Variants in DTNA observed in about 807,000 individuals in gnomAD.
The protein encoded by DTNA is dystrophin-related protein 3.
DTNA carries 43 observed loss-of-function variants against 100.7 expected under a neutral mutation model. The ratio of observed to expected loss-of-function variants is 0.43; its 90% CI spans 0.33 to 0.55. The LOEUF is 0.55. Ranked by LOEUF, DTNA falls within the 20% of genes least tolerant of loss-of-function variation. The probability of loss-of-function intolerance (pLI) is 0.04; values close to 1 mark genes in which losing one functional copy is unlikely to be tolerated. For synonymous variants in DTNA, 349 were observed against 347.9 expected (o/e 1.00, Z -0.04); for missense variants, 798 against 953.9 (o/e 0.84, Z 2.15).
intron 1 of DTNA, among the ~76,000 whole-genome samples, chr18:34,692,861 C>G (rs1396667187): frequency 6.6e-6 from 1 of 152,114 alleles, no homozygotes; most frequent in East Asian, 1.9e-4. Flanking sequence ...GTTTCTGTCT[C>G]TCTTTCTTTT....
intron 1 of DTNA, among the ~76,000 whole-genome samples, chr18:34,610,194 A>G (rs1488432514): frequency 7.2e-5 from 11 of 152,210 alleles, no homozygotes; most frequent in Admixed American, 5.2e-4. Flanking sequence ...CTATTCTTAC[A>G]ACCAAGGCCA....
intron 6 of DTNA, among the ~76,000 whole-genome samples, chr18:34,812,386 CT>C (rs1311595313): frequency 1.3e-5 from 2 of 152,278 alleles, no homozygotes; most frequent in Admixed American, 1.3e-4. Flanking sequence ...AACAACCCTT[CT>C]GTGTTAGTCT....
chr18:34,641,713 G>C (rs1466143974), intron 1 of DTNA, among the ~76,000 whole-genome samples: 2 of 152,108 alleles, frequency 1.3e-5, no homozygotes, highest in African/African-American at 4.8e-5. Context: ...TGTGTTTCAG[G>C]CATAAACAGA....
chr18:34,717,258 A>G (rs2084252341), intron 1 of DTNA, among the ~76,000 whole-genome samples: 1 of 152,236 alleles, frequency 6.6e-6, no homozygotes, highest in Non-Finnish European at 1.5e-5. Flanking sequence ...AATGCTAAGT[A>G]ATTGAAATAG....
intron 2 of DTNA, among the ~76,000 whole-genome samples, chr18:34,760,454 A>G (rs1260662904): frequency 6.6e-6 from 1 of 152,100 alleles, no homozygotes; most frequent in Non-Finnish European, 1.5e-5. Flanking sequence ...GAGTCCCCCA[A>G]AACAACTCTC....
At chr18:34,576,386 T>C (rs1189009607) in intron 1 of DTNA, among the ~76,000 whole-genome samples, 1 of 152,230 alleles carries the variant, frequency 6.6e-6, no homozygotes, top group Non-Finnish European at 1.5e-5. Context: ...TGAACACATT[T>C]TTCCTCATCT....
At chr18:34,579,012 T>TG (rs1236177010) in intron 1 of DTNA, among the ~76,000 whole-genome samples, 5 of 152,176 alleles carry the variant, frequency 3.3e-5, no homozygotes, top group African/African-American at 1.2e-4. Context: ...ATTTTATTAT[T>TG]TCTTTTTATC....
chr18:34,869,848 T>C (rs1204092563), intron 17 of DTNA, among the ~76,000 whole-genome samples: 5 of 152,064 alleles, frequency 3.3e-5, no homozygotes, highest in African/African-American at 9.7e-5. Context: ...GGTGAAACCC[T>C]GTCTCTACTA....
At chr18:34,591,224 A>T (rs1261756079) in intron 1 of DTNA, among the ~76,000 whole-genome samples, 1 of 152,128 alleles carries the variant, frequency 6.6e-6, no homozygotes, top group East Asian at 1.9e-4. Context: ...CATACATAAG[A>T]TGTATAATGA....
intron 1 of DTNA, among the ~76,000 whole-genome samples, chr18:34,669,250 C>G (rs569051520): frequency 6.6e-6 from 1 of 151,990 alleles, no homozygotes; most frequent in Non-Finnish European, 1.5e-5. Flanking sequence ...GATTGCAACC[C>G]CTGCCTTTTT....
chr18:34,777,140 A>G (rs1191105173), intron 3 of DTNA, among the ~76,000 whole-genome samples: 1 of 152,276 alleles, frequency 6.6e-6, no homozygotes, highest in South Asian at 2.1e-4. Flanking sequence ...TATGCTATGT[A>G]ATTTACTTAG....
intron 1 of DTNA, among the ~76,000 whole-genome samples, chr18:34,550,947 T>C (rs1310048134): frequency 1.3e-5 from 2 of 152,324 alleles, no homozygotes; most frequent in African/African-American, 2.4e-5. Flanking sequence ...ATTGATGACA[T>C]TGCATTCTGC....
intron 1 of DTNA, among the ~76,000 whole-genome samples, chr18:34,649,348 A>G (rs1000153792): frequency 6.6e-6 from 1 of 152,222 alleles, no homozygotes; most frequent in Admixed American, 6.5e-5. Flanking sequence ...CTATTGCACA[A>G]GTAAGAATGC....
chr18:34,537,534 A>T (rs2043838307), intron 1 of DTNA, among the ~76,000 whole-genome samples: 4 of 151,982 alleles, frequency 2.6e-5, no homozygotes, highest in African/African-American at 9.7e-5. Context: ...AAAAAAGCAC[A>T]TTTACAATCC....
At chr18:34,555,215 G>A (rs1382348566) in intron 1 of DTNA, among the ~76,000 whole-genome samples, 1 of 141,688 alleles carries the variant, frequency 7.1e-6, no homozygotes, top group Non-Finnish European at 1.5e-5. Flanking sequence ...TGGGATCGGT[G>A]GTGATATCCC....
At chr18:34,715,204 T>C (rs1051240075) in intron 1 of DTNA, among the ~76,000 whole-genome samples, 1 of 149,828 alleles carries the variant, frequency 6.7e-6, no homozygotes, top group African/African-American at 2.5e-5. Flanking sequence ...ACTTAAAGTA[T>C]AATAATAAAA....
intron 1 of DTNA, among the ~76,000 whole-genome samples, chr18:34,675,864 C>A (rs1433687645): frequency 6.6e-6 from 1 of 152,024 alleles, no homozygotes; most frequent in Non-Finnish European, 1.5e-5. Context: ...AGGTGCACAA[C>A]AATGAAAAAA....
At chr18:34,575,612 T>C (rs1216414467) in intron 1 of DTNA, among the ~76,000 whole-genome samples, 2 of 152,232 alleles carry the variant, frequency 1.3e-5, no homozygotes, top group African/African-American at 2.4e-5. Context: ...AATTTTCCAT[T>C]TCCCTAAAGT....
chr18:34,839,336 A>C lies in DTNA; in HGVS notation c.1346+499A>C, dbSNP rs142742132. On this transcript the variant is annotated intron_variant, in intron 13 of 22. Transcript: ENST00000444659. ...CAGTGGGAACAATCGTCTTTCAGCA[A>C]TTCTATTACACATTTTTCTGATGAC... Among the ~76,000 whole-genome samples the C allele has an allele frequency of 2.6e-3, 390 of 152,328 alleles. 3 individuals are homozygous for C. The highest frequency in any genetic ancestry group is 9.1e-3 in the African/African-American group (377 of 41,588).
Sources: gnomAD v4.1 joint callset for allele counts (sites outside exome capture counted in the v4.1 genomes callset) on GRCh38, gnomAD v4.1.1 for gene constraint, MANE v1.5 for transcripts, NCBI Gene and HGNC (gene_info 2026-07-23, HGNC 2026-07-21) for gene names.